The following SMYD2 variants were observed in gnomAD, a reference collection of about 807,000 sequenced individuals.
SMYD2 encodes the protein N-lysine methyltransferase SMYD2.
SMYD2 carries 53 observed loss-of-function variants against 59.1 expected under a neutral mutation model. The observed-to-expected ratio is 0.90, with a 90% CI of 0.72 to 1.13. SMYD2 has a LOEUF of 1.13. Among genes scored for constraint, SMYD2 ranks in the 50% most tolerant of loss-of-function variants. SMYD2 has a pLI of 0.00. For synonymous variants in SMYD2, 208 were observed against 198.8 expected (o/e 1.05, Z -0.39); for missense variants, 494 against 544.7 (o/e 0.91, Z 0.93).
intron 1 of SMYD2, among the ~76,000 whole-genome samples, chr1:214,299,168 T>C (rs1159731015): frequency 6.6e-6 from 1 of 151,752 alleles, no homozygotes; most frequent in African/African-American, 2.4e-5. Flanking sequence ...TCCAGAAAAA[T>C]TAAAAAATAA....
At chr1:214,316,833 G>A (rs186447165) in intron 3 of SMYD2, among the ~76,000 whole-genome samples, 18 of 152,136 alleles carry the variant, frequency 1.2e-4, no homozygotes, top group Admixed American at 5.9e-4. Flanking sequence ...GTTAACTTTC[G>A]GATCCTTAAT....
At chr1:214,290,757 A>C (rs1030785061) in intron 1 of SMYD2, among the ~76,000 whole-genome samples, 1 of 152,214 alleles carries the variant, frequency 6.6e-6, no homozygotes, top group Admixed American at 6.5e-5. Context: ...GAGCCAAATA[A>C]AAAGCTCAAG....
At chr1:214,316,852 T>C (rs1334143646) in intron 3 of SMYD2, among the ~76,000 whole-genome samples, 2 of 152,176 alleles carry the variant, frequency 1.3e-5, no homozygotes, top group Non-Finnish European at 2.9e-5. Context: ...ATAACAGTTA[T>C]TTTTAAATTT....
chr1:214,304,096 A>G (rs902809994), intron 1 of SMYD2, among the ~76,000 whole-genome samples: 3 of 152,232 alleles, frequency 2.0e-5, no homozygotes, highest in African/African-American at 7.2e-5. Flanking sequence ...GCGAGCACCT[A>G]ACAGTTGGGA....
chr1:214,300,359 G>A (rs927618734), intron 1 of SMYD2, among the ~76,000 whole-genome samples: 1 of 152,158 alleles, frequency 6.6e-6, no homozygotes, highest in African/African-American at 2.4e-5. Flanking sequence ...GACCTTCTAT[G>A]TACACAATAA....
At chr1:214,289,607 C>G (rs1656604449) in intron 1 of SMYD2, among the ~76,000 whole-genome samples, 1 of 152,192 alleles carries the variant, frequency 6.6e-6, no homozygotes, top group Non-Finnish European at 1.5e-5. Flanking sequence ...CAGACAGCTC[C>G]TCTATGGGTT....
intron 2 of SMYD2, among the ~76,000 whole-genome samples, chr1:214,307,190 T>G (rs1233299940): frequency 2.0e-5 from 3 of 152,130 alleles, no homozygotes; most frequent in African/African-American, 7.2e-5. Flanking sequence ...AAGAAAGAAA[T>G]TGGCAAGTTA....
chr1:214,314,730 T>A, intron 2 of SMYD2, 32 bp from the exon 3 acceptor site: 2 of 1,552,836 alleles, frequency 1.3e-6, no homozygotes, highest in Non-Finnish European at 1.8e-6. Flanking sequence ...GTATGTGCTA[T>A]TTTTTAATAA....
chr1:214,316,287 A>C (rs968435882), intron 3 of SMYD2, among the ~76,000 whole-genome samples: 8 of 152,174 alleles, frequency 5.3e-5, no homozygotes, highest in African/African-American at 1.9e-4. Flanking sequence ...CCTTGGCAAC[A>C]AAGTGAGACC....
chr1:214,286,024 ATGT>A (rs1656532511), intron 1 of SMYD2, among the ~76,000 whole-genome samples: 2 of 152,242 alleles, frequency 1.3e-5, no homozygotes, highest in Admixed American at 1.3e-4. Context: ...ATTGACTAAA[ATGT>A]TGTTAGTGCA....
intron 2 of SMYD2, among the ~76,000 whole-genome samples, chr1:214,305,794 T>C (rs1656907331): frequency 6.6e-6 from 1 of 152,084 alleles, no homozygotes; most frequent in Non-Finnish European, 1.5e-5. Context: ...TGGATGAGTC[T>C]CAAATGAATC....
chr1:214,325,607 C>T (rs912404724), intron 6 of SMYD2, among the ~76,000 whole-genome samples: 2 of 152,070 alleles, frequency 1.3e-5, no homozygotes. Context: ...AGACGCTGTG[C>T]GTTGTGTAGG....
rs1656573032 is a variant in SMYD2, at chr1:214,287,674, G to A, written c.173+6247G>A. Among the ~76,000 whole-genome samples the A allele has an allele frequency of 2.6e-5, 4 of 151,254 alleles. No homozygotes were observed. In the South Asian group the frequency reaches 8.3e-4, roughly 31 times the overall value. The stretch of plus-strand genomic sequence containing the variant: ...CCTTGGGTTCCCCAGAATTAATGAT[G>A]GGGTCTGGGATTAGTTTTCAGTATT... On this transcript the variant is annotated intron_variant, in intron 1 of 11. Coordinates refer to ENST00000366957, the MANE Select transcript of SMYD2 (RefSeq NM_020197.3).
At chr1:214,306,725 A>T (rs1187705623) in intron 2 of SMYD2, among the ~76,000 whole-genome samples, 1 of 152,204 alleles carries the variant, frequency 6.6e-6, no homozygotes, top group Non-Finnish European at 1.5e-5. Context: ...TCTATATGTA[A>T]GTTAAACACT....
At chr1:214,331,738 T>C (rs1171510565) in intron 9 of SMYD2, 1 of 312,146 alleles carries the variant, frequency 3.2e-6, no homozygotes, top group African/African-American at 2.1e-5. Flanking sequence ...GATTTGAATT[T>C]GATTAGAATC....
chr1:214,326,381 C>T (rs12127455), intron 6 of SMYD2, among the ~76,000 whole-genome samples: 4,651 of 152,198 alleles, frequency 0.031, 139 homozygotes, highest in Non-Finnish European at 0.037. Context: ...AAGAGATACC[C>T]GAGTCTGCCT....
chr1:214,304,853 T>C (rs866871880), intron 1 of SMYD2, among the ~76,000 whole-genome samples: 19 of 152,166 alleles, frequency 1.2e-4, no homozygotes, highest in Admixed American at 5.2e-4. Context: ...GCTACTGACC[T>C]GTACAGTAGT....
chr1:214,289,625 G>A lies in SMYD2; in HGVS notation c.173+8198G>A, dbSNP rs73090370. Reference sequence around the variant, plus strand: ...ACAGCTCCTCTATGGGTTTGGTTACGTATCTTTGAATACATGTGTATGTGT... The same window carrying A: ...ACAGCTCCTCTATGGGTTTGGTTACATATCTTTGAATACATGTGTATGTGT... On this transcript the variant is annotated intron_variant, in intron 1 of 11. Coordinates refer to ENST00000366957, the MANE Select transcript of SMYD2 (RefSeq NM_020197.3). Among the ~76,000 whole-genome samples, 1,187 of 152,256 alleles carry A rather than the reference G, an allele frequency of 7.8e-3. 18 individuals are homozygous for A. The highest frequency in any genetic ancestry group is 0.026 in the African/African-American group (1,067 of 41,548).
intron 10 of SMYD2, chr1:214,333,033 G>A (rs1028709216): frequency 1.3e-5 from 2 of 152,264 alleles, no homozygotes; most frequent in African/African-American, 4.8e-5. Context: ...CGAGATTAGG[G>A]TCTGTGAAGG....
Sources: allele counts gnomAD v4.1 joint callset (sites outside exome capture counted in the v4.1 genomes callset), GRCh38; gene constraint gnomAD v4.1.1; transcripts MANE v1.5; gene names NCBI Gene and HGNC (gene_info 2026-07-23, HGNC 2026-07-21).